The following PSD3 variants were observed in gnomAD, a reference collection of about 807,000 sequenced individuals.
PSD3 encodes pleckstrin and Sec7 domain containing 3, also known as PH and SEC7 domain-containing protein 3.
A neutral mutation model predicts 105.5 loss-of-function variants in PSD3; 49 were observed. That is an observed-to-expected ratio of 0.46 (90% CI 0.37 to 0.59). The LOEUF (loss-of-function observed/expected upper bound fraction) is 0.59. PSD3 is among the 20% of genes least tolerant of loss of function. PSD3 has a pLI of 0.00. For synonymous variants in PSD3, 557 were observed against 457.8 expected (o/e 1.22, Z -2.77); for missense variants, 1,561 against 1,263.8 (o/e 1.24, Z -3.57).
At chr8:18,918,440 T>G (rs906653368) in intron 2 of PSD3, among the ~76,000 whole-genome samples, 1 of 152,210 alleles carries the variant, frequency 6.6e-6, no homozygotes, top group African/African-American at 2.4e-5. Flanking sequence ...CAGAATCATG[T>G]TATTACTTGC....
At chr8:19,048,231 C>T (rs1278009291) in intron 1 of PSD3, among the ~76,000 whole-genome samples, 1 of 152,130 alleles carries the variant, frequency 6.6e-6, no homozygotes, top group East Asian at 1.9e-4. Context: ...ACCTCTTTGG[C>T]TCTTTAAAGA....
chr8:18,946,901 T>C (rs13250405), intron 1 of PSD3, among the ~76,000 whole-genome samples: 87,760 of 149,980 alleles, frequency 0.59, 26,263 homozygotes, highest in Non-Finnish European at 0.65. Context: ...CAAGACTCCA[T>C]CTCAAAAAAT....
intron 9 of PSD3, among the ~76,000 whole-genome samples, chr8:18,719,676 T>C (rs565084822): frequency 1.3e-5 from 2 of 152,312 alleles, no homozygotes; most frequent in Admixed American, 6.5e-5. Flanking sequence ...TTTCCCGAGA[T>C]AGTATGATCT....
intron 1 of PSD3, among the ~76,000 whole-genome samples, chr8:19,036,190 G>C (rs535927578): frequency 1.3e-5 from 2 of 152,270 alleles, no homozygotes; most frequent in South Asian, 4.1e-4. Context: ...TCACCCACCA[G>C]GAACTATTTT....
intron 1 of PSD3, among the ~76,000 whole-genome samples, chr8:18,982,025 G>T (rs1435643024): frequency 1.3e-5 from 2 of 152,210 alleles, no homozygotes; most frequent in East Asian, 3.9e-4. Context: ...CTTACCCACA[G>T]TAGAGCTTCT....
intron 14 of PSD3, 147 bp downstream of exon 14, chr8:18,572,381 T>C (rs1802197215): frequency 1.0e-6 from 1 of 962,044 alleles, no homozygotes; most frequent in Non-Finnish European, 1.6e-6. Flanking sequence ...GTGTACTGCA[T>C]ATCTGCCTCA....
At chr8:18,945,251 T>C (rs1282924984) in intron 1 of PSD3, among the ~76,000 whole-genome samples, 1 of 152,198 alleles carries the variant, frequency 6.6e-6, no homozygotes, top group Non-Finnish European at 1.5e-5. Flanking sequence ...CTATCTTGGA[T>C]TAGCCAAGTG....
intron 12 of PSD3, among the ~76,000 whole-genome samples, chr8:18,590,942 T>A (rs373280582): frequency 1.3e-4 from 20 of 152,158 alleles, no homozygotes; most frequent in Non-Finnish European, 4.4e-5. Context: ...ACGCCAAAAC[T>A]GTGTTATACT....
intron 1 of PSD3, among the ~76,000 whole-genome samples, chr8:18,944,712 C>T (rs1563449259): frequency 6.6e-6 from 1 of 152,086 alleles, no homozygotes; most frequent in Non-Finnish European, 1.5e-5. Flanking sequence ...TTGTTTCACA[C>T]CAAACTTTCA....
intron 1 of PSD3, among the ~76,000 whole-genome samples, chr8:19,040,581 T>C (rs1484980776): frequency 6.6e-6 from 1 of 152,180 alleles, no homozygotes; most frequent in African/African-American, 2.4e-5. Context: ...GATTACATTT[T>C]AAAAGATCAC....
chr8:18,621,392 A>G (rs1806098134), intron 11 of PSD3, among the ~76,000 whole-genome samples: 1 of 152,218 alleles, frequency 6.6e-6, no homozygotes, highest in Non-Finnish European at 1.5e-5. Flanking sequence ...TGGGCAACAG[A>G]GTGAGACACC....
intron 1 of PSD3, among the ~76,000 whole-genome samples, chr8:19,046,138 G>C (rs989429749): frequency 8.5e-5 from 13 of 152,156 alleles, no homozygotes; most frequent in African/African-American, 3.1e-4. Context: ...TTGAGATGGA[G>C]TCTCACTCTG....
intron 11 of PSD3, among the ~76,000 whole-genome samples, chr8:18,612,929 C>T (rs1413738743): frequency 6.6e-6 from 1 of 152,106 alleles, no homozygotes; most frequent in African/African-American, 2.4e-5. Context: ...GTATCTTTCC[C>T]CACTTGGCCA....
chr8:18,967,700 G>A (rs1824365826), intron 1 of PSD3, among the ~76,000 whole-genome samples: 1 of 152,146 alleles, frequency 6.6e-6, no homozygotes, highest in Admixed American at 6.5e-5. Flanking sequence ...GACCTCAGAT[G>A]TTGGTAGGAG....
chr8:18,703,224 A>G (rs781089806), intron 9 of PSD3, among the ~76,000 whole-genome samples: 33 of 152,142 alleles, frequency 2.2e-4, no homozygotes, highest in Non-Finnish European at 3.5e-4. Context: ...ATAGTCTACA[A>G]AGGGGCAGAA....
rs971352277 is a variant in PSD3, at chr8:18,556,289, G to A, written c.2848C>T (p.Arg950Cys). 3 of 1,613,996 alleles carry A rather than the reference G, an allele frequency of 1.9e-6. No individual in the cohort carries two copies. Among genetic ancestry groups the A allele is most frequent in the Non-Finnish European group, 2.5e-6 (3 of 1,179,964 alleles). ...ACCTTCTTGTCGGGGGGATATGAGC[G>A]GTGCTCGGCCAGCTCGGTGGTGATC... Reference protein sequence around the residue: ...KQITTELAEHRSYPPDKKVKA... With the variant: ...KQITTELAEHCSYPPDKKVKA... Residue 950 changes from arginine (R) to cysteine (C), a missense_variant, in exon 15 of 16, where the codon CGC becomes TGC. Physicochemically the swap from Arg to Cys is radical, Grantham distance 180. Coordinates refer to ENST00000327040, the MANE Select transcript of PSD3 (RefSeq NM_015310.4).
chr8:18,897,996 G>A (rs1442551441), intron 2 of PSD3, among the ~76,000 whole-genome samples: 7 of 152,102 alleles, frequency 4.6e-5, no homozygotes, highest in Non-Finnish European at 8.8e-5. Context: ...GGTCATTCTT[G>A]TCTTGTTCCA....
chr8:18,765,404 A>G (rs758231211), intron 9 of PSD3, 45 bp downstream of exon 9: 1 of 1,498,776 alleles, frequency 6.7e-7, no homozygotes, highest in South Asian at 1.1e-5. Context: ...TAAGCAGCAA[A>G]CAGAAATACA....
At chr8:18,618,704 CT>C (rs1805886456) in intron 11 of PSD3, among the ~76,000 whole-genome samples, 1 of 151,114 alleles carries the variant, frequency 6.6e-6, no homozygotes, top group African/African-American at 2.4e-5. Flanking sequence ...ATGGGATATT[CT>C]TTTCTTTTCT....
Sources: allele counts gnomAD v4.1 joint callset (sites outside exome capture counted in the v4.1 genomes callset), GRCh38; gene constraint gnomAD v4.1.1; transcripts MANE v1.5; gene names NCBI Gene and HGNC (gene_info 2026-07-23, HGNC 2026-07-21).